Variants in RPRD2 observed in about 807,000 individuals in gnomAD.
The protein encoded by RPRD2 is regulation of nuclear pre-mRNA domain-containing protein 2.
A neutral mutation model predicts 104.4 loss-of-function variants in RPRD2; 12 were observed. That is an observed-to-expected ratio of 0.11 (90% confidence interval 0.07 to 0.19). The LOEUF (loss-of-function observed/expected upper bound fraction) is 0.19. Among genes scored for constraint, RPRD2 ranks in the 10% least tolerant of loss-of-function variants. The probability of loss-of-function intolerance (pLI) is 1.00; values close to 1 mark genes in which losing one functional copy is unlikely to be tolerated. For missense variants in RPRD2, 1,543 were observed against 1,790.1 expected, an observed-to-expected ratio of 0.86 and a Z score of 2.49; for synonymous variants, 714 against 684.9, an observed-to-expected ratio of 1.04 and a Z score of -0.66.
intron 10 of RPRD2, among the ~76,000 whole-genome samples, chr1:150,469,421 C>T (rs2102439978): frequency 6.6e-6 from 1 of 152,218 alleles, no homozygotes; most frequent in South Asian, 2.1e-4. Flanking sequence ...GGACTACAGG[C>T]ATGCACCATC....
At chr1:150,452,661 C>CTTTTTTT (rs782322743) in intron 7 of RPRD2, among the ~76,000 whole-genome samples, 34 of 71,240 alleles carry the variant, frequency 4.8e-4, no homozygotes, top group East Asian at 8.4e-4. Context: ...GACATATCCC[C>CTTTTTTT]TTTTTTTTTT....
At chr1:150,447,934 G>A (rs1666899921) in intron 7 of RPRD2, among the ~76,000 whole-genome samples, 1 of 152,078 alleles carries the variant, frequency 6.6e-6, no homozygotes, top group African/African-American at 2.4e-5. Context: ...TTCCTGATAT[G>A]ACAGATGTGG....
chr1:150,446,339 G>A lies in RPRD2; in HGVS notation c.808G>A (p.Ala270Thr). The A allele has an allele frequency of 5.6e-6, 9 of 1,611,412 alleles. No homozygotes were observed. The South Asian group carries it at 7.7e-5, about 14-fold the overall frequency. ...GAAAAACGGACCCTCATTAACAGAA[G>A]CACTGGAAAATGCTGGAATTTTCTA... Reference protein sequence around the residue: ...QVKNGPSLTEALENAGIFYEA... With the variant: ...QVKNGPSLTETLENAGIFYEA... Residue 270 changes from alanine (A) to threonine (T), a missense_variant, in exon 7 of 11, where the codon GCA becomes ACA. Physicochemically the swap from Ala to Thr is moderately conservative, Grantham distance 58. Around this residue, in one of 4 missense-constraint regions of RPRD2, gnomAD observed 572 missense variants for 787.3 expected, o/e 0.73. Coordinates refer to ENST00000369068, the MANE Select transcript of RPRD2 (RefSeq NM_015203.5).
At position 150,379,943 on chromosome 1, in the gene RPRD2, A is replaced by G. The variant is rs191846938; in HGVS notation, c.205+15024A>G. On this transcript the variant is annotated intron_variant, in intron 1 of 10. Coordinates refer to ENST00000369068, the MANE Select transcript of RPRD2 (RefSeq NM_015203.5). ...TATAAAGGGTTTCTGAAACCAAAAT[A>G]TAGAATGACCTTTGTCAATTTTCTG... is the stretch of plus-strand genomic sequence containing the variant. Among the ~76,000 whole-genome samples, 665 of 152,364 alleles carry G rather than the reference A, an allele frequency of 4.4e-3. 7 individuals are homozygous for G. The highest frequency in any genetic ancestry group is 6.9e-3 in the Admixed American group (105 of 15,304).
intron 10 of RPRD2, among the ~76,000 whole-genome samples, chr1:150,465,849 A>G (rs1332198142): frequency 6.7e-6 from 1 of 148,804 alleles, no homozygotes; most frequent in Non-Finnish European, 1.5e-5. Context: ...ACCTAAGGTC[A>G]GCAGTTCAAG....
At chr1:150,389,326 A>G (rs1263309531) in intron 1 of RPRD2, among the ~76,000 whole-genome samples, 1 of 152,212 alleles carries the variant, frequency 6.6e-6, no homozygotes, top group Admixed American at 6.5e-5. Flanking sequence ...CTGGGATTAC[A>G]GGTGTGAGCC....
intron 3 of RPRD2, 147 bp downstream of exon 3, chr1:150,441,170 A>G: frequency 2.0e-6 from 1 of 498,802 alleles, no homozygotes; most frequent in South Asian, 3.7e-5. Flanking sequence ...TTTATGAAAA[A>G]TCTAGATCTG....
intron 1 of RPRD2, among the ~76,000 whole-genome samples, chr1:150,394,845 T>C (rs1553883834): frequency 6.6e-6 from 1 of 152,146 alleles, no homozygotes; most frequent in Non-Finnish European, 1.5e-5. Context: ...CCTCCCAAAG[T>C]GTTGGGATTA....
Position 150,364,526 on chromosome 1 carries a change from C to T in RPRD2, c.-189C>T, listed in dbSNP as rs1659673842. 1 of 551,700 alleles carries T rather than the reference C, an allele frequency of 1.8e-6. No homozygotes were observed. Among genetic ancestry groups the T allele is most frequent in the Non-Finnish European group, 3.2e-6 (1 of 314,962 alleles). The allele number at this position is 551,700 out of a possible 1,614,324, so 34.2% of individuals were successfully genotyped here. ...CCCTCCTTGCAGCGTGTAGGAGCTGCCAGCGTGCCCAGCAGCTGGTGTTCC... is the reference window on the plus strand; with the variant it reads ...CCCTCCTTGCAGCGTGTAGGAGCTGTCAGCGTGCCCAGCAGCTGGTGTTCC... On this transcript the variant is annotated 5_prime_UTR_variant, in exon 1 of 11. Coordinates refer to ENST00000369068, the MANE Select transcript of RPRD2 (RefSeq NM_015203.5).
chr1:150,409,388 TCTTC>T (rs1453888253), intron 1 of RPRD2, among the ~76,000 whole-genome samples: 3 of 152,266 alleles, frequency 2.0e-5, no homozygotes, highest in African/African-American at 4.8e-5. Flanking sequence ...CCTTTTCTTG[TCTTC>T]CTTCTCTTTT....
chr1:150,402,917 G>A (rs951984173), intron 1 of RPRD2, among the ~76,000 whole-genome samples: 1 of 151,500 alleles, frequency 6.6e-6, no homozygotes, highest in African/African-American at 2.4e-5. Context: ...GCGGTGAGCC[G>A]AGATCGCGCC....
chr1:150,473,308 C>T lies in RPRD2; in HGVS notation c.4360C>T (p.Arg1454Cys). The change falls in exon 11 of 11, where the codon CGC (arginine) becomes TGC (cysteine). Residue 1454 changes from arginine (R) to cysteine (C), a missense_variant. Arg to Cys is a radical substitution (Grantham distance 180, BLOSUM62 -3). This residue lies in a region of RPRD2 where 880 missense variants were observed against 885.6 expected (regional missense o/e 0.99). Coordinates refer to ENST00000369068, the MANE Select transcript of RPRD2 (RefSeq NM_015203.5). ...GGGCCCTCCGTTCTTTGCACCAAAACGCCCATTCTTCCCTCCCAGGTACTG... is the reference window on the plus strand; with the variant it reads ...GGGCCCTCCGTTCTTTGCACCAAAATGCCCATTCTTCCCTCCCAGGTACTG... Reference protein sequence around the residue: ...ARGPPFFAPKRPFFPPRY With the variant: ...ARGPPFFAPKCPFFPPRY 2 of 1,612,314 alleles carry T rather than the reference C, an allele frequency of 1.2e-6. No individual in the cohort carries two copies. The highest frequency in any genetic ancestry group is 1.1e-5 in the South Asian group (1 of 90,956).
intron 9 of RPRD2, among the ~76,000 whole-genome samples, chr1:150,463,120 T>C (rs1041526937): frequency 6.6e-6 from 1 of 152,068 alleles, no homozygotes; most frequent in Non-Finnish European, 1.5e-5. Context: ...CCTCCTAAAA[T>C]GTTGGGATTA....
In RPRD2 at chr1:150,417,580, C is replaced by T. The variant is rs1664439913; in HGVS notation, c.206-16C>T. 1.3e-6 allele frequency: 2 copies of T among 1,508,422 alleles called. No individual in the cohort carries two copies. Among genetic ancestry groups the T allele is most frequent in the East Asian group, 4.7e-5 (2 of 42,518 alleles). The allele number at this position is 1,508,422 out of a possible 1,614,324, so 93.4% of individuals were successfully genotyped here. On this transcript the variant is annotated splice_polypyrimidine_tract_variant and intron_variant, in intron 1 of 10. Transcript: ENST00000369068. ...TGACTCATTTGGTTTTATTTATTGT[C>T]TTTTGTCATCTCTAGCTGCATATCC... is the stretch of plus-strand genomic sequence containing the variant.
chr1:150,461,876 A>T (rs921169181), intron 9 of RPRD2, among the ~76,000 whole-genome samples: 1 of 152,092 alleles, frequency 6.6e-6, no homozygotes. Flanking sequence ...GCTGCTCGGG[A>T]GGCTAAGGCA....
chr1:150,404,696 G>A (rs12134306), intron 1 of RPRD2, among the ~76,000 whole-genome samples: 33,793 of 151,944 alleles, frequency 0.22, 4,278 homozygotes, highest in African/African-American at 0.32. Context: ...CTCTGAACTC[G>A]TAGGCCTAAG....
chr1:150,387,566 CCTT>C lies in RPRD2; in HGVS notation c.205+22648_205+22650del, dbSNP rs1661663856. On this transcript the variant is annotated intron_variant, in intron 1 of 10. Coordinates refer to ENST00000369068, the MANE Select transcript of RPRD2 (RefSeq NM_015203.5). Reference sequence around the variant, plus strand: ...TAAATCTTACAGAAGTTGCAACAGACCTTTTTTTTTTTTTTTTTTTTTTTTTTT... The same window carrying C: ...TAAATCTTACAGAAGTTGCAACAGACTTTTTTTTTTTTTTTTTTTTTTTTT... Among the ~76,000 whole-genome samples the C allele has an allele frequency of 1.9e-3, 135 of 70,124 alleles. 27 individuals carry two copies. Among genetic ancestry groups the C allele is most frequent in the Non-Finnish European group, 2.5e-3 (84 of 34,162 alleles). The allele number at this position is 70,124 out of a possible 152,430, so 46.0% of individuals were successfully genotyped here.
At chr1:150,366,003 TG>T (rs1256208292) in intron 1 of RPRD2, among the ~76,000 whole-genome samples, 2 of 152,236 alleles carry the variant, frequency 1.3e-5, no homozygotes, top group African/African-American at 4.8e-5. Context: ...TCTCCAGTTA[TG>T]TTTTTTTTGT....
Position 150,462,239 on chromosome 1 carries a change from G to A in RPRD2, c.1411+1922G>A, listed in dbSNP as rs183244618. Among the ~76,000 whole-genome samples the A allele has an allele frequency of 2.1e-4, 32 of 151,954 alleles. 1 individual carries two copies. In the Middle Eastern group the frequency reaches 0.02, roughly 97 times the overall value. On this transcript the variant is annotated intron_variant, in intron 9 of 10. Transcript: ENST00000369068. ...GGGGGTTGCAGTGAGCCAAGATCAC[G>A]CCACTGCACTTCAGCCTGGGCAACA... is the stretch of plus-strand genomic sequence containing the variant.
Sources: gnomAD v4.1 joint callset for allele counts (sites outside exome capture counted in the v4.1 genomes callset) on GRCh38, gnomAD v4.1.1 for gene constraint, gnomAD v4.1.1 regional missense constraint, MANE v1.5 for transcripts, NCBI Gene and HGNC (gene_info 2026-07-23, HGNC 2026-07-21) for gene names.